Variants in RTTN observed in about 807,000 individuals in gnomAD.
RTTN encodes the protein rotatin.
RTTN carries 182 observed loss-of-function variants against 269.2 expected under a neutral mutation model. That is an observed-to-expected ratio of 0.68 (90% CI 0.60 to 0.76). The LOEUF (loss-of-function observed/expected upper bound fraction) is 0.76. RTTN is among the 30% of genes least tolerant of loss of function. RTTN has a pLI of 0.00. For missense variants in RTTN, 2,545 were observed against 2,608.6 expected, an observed-to-expected ratio of 0.98 and a Z score of 0.53; for synonymous variants, 1,006 against 963.5, an observed-to-expected ratio of 1.04 and a Z score of -0.82.
intron 41 of RTTN, 105 bp from the exon 42 acceptor site, chr18:70,030,214 G>T: frequency 1.4e-6 from 1 of 716,824 alleles, no homozygotes; most frequent in Non-Finnish European, 2.2e-6. Flanking sequence ...TTCTATTTCT[G>T]ACCCACTTCA....
intron 33 of RTTN, chr18:70,075,030 A>T (rs1175277628): frequency 4.0e-5 from 7 of 173,150 alleles, no homozygotes; most frequent in Non-Finnish European, 6.0e-5. Flanking sequence ...ACTGATGGGC[A>T]TAACTTATAA....
intron 26 of RTTN, among the ~76,000 whole-genome samples, chr18:70,116,037 T>C (rs987842259): frequency 1.3e-5 from 2 of 152,012 alleles, no homozygotes; most frequent in Non-Finnish European, 2.9e-5. Flanking sequence ...TAAATTAAGA[T>C]TGAATAAGAC....
rs2057399495 is a variant in RTTN, at chr18:70,043,349, C to T, written c.5541+4622G>A. 2.0e-5 allele frequency among the ~76,000 whole-genome samples: 3 copies of T among 152,060 alleles called. No individual in the cohort carries two copies. The South Asian group carries it at 6.2e-4, about 32-fold the overall frequency. On this transcript the variant is annotated intron_variant, in intron 40 of 48. Transcript: ENST00000640769. The stretch of plus-strand genomic sequence containing the variant: ...GTATAACACTGTCATAAATTTAATA[C>T]CATTCACGCTGCCTATTCTCTAATT...
chr18:70,010,877 T>G (rs934327090), intron 46 of RTTN, among the ~76,000 whole-genome samples: 1 of 151,084 alleles, frequency 6.6e-6, no homozygotes, highest in Admixed American at 6.6e-5. Context: ...AAGAATCAAA[T>G]AGACACAATA....
chr18:70,074,178 G>A (rs530916696), intron 33 of RTTN, among the ~76,000 whole-genome samples, 184 bp from the exon 34 acceptor site: 2 of 150,532 alleles, frequency 1.3e-5, no homozygotes, highest in Admixed American at 6.6e-5. Flanking sequence ...TTTTTTTAAT[G>A]TGCATAAGAA....
chr18:70,057,984 T>A, intron 36 of RTTN, 152 bp from the exon 37 acceptor site: 1 of 565,308 alleles, frequency 1.8e-6, no homozygotes, highest in Non-Finnish European at 3.1e-6. Context: ...AAAAGATATC[T>A]CAAAGAATTT....
At chr18:70,138,039 G>C (rs768216835) in intron 21 of RTTN, among the ~76,000 whole-genome samples, 1 of 152,196 alleles carries the variant, frequency 6.6e-6, no homozygotes, top group Non-Finnish European at 1.5e-5. Context: ...AGCACTTTGG[G>C]AGGCCAAGGC....
intron 46 of RTTN, among the ~76,000 whole-genome samples, chr18:70,011,797 G>A (rs1467052581): frequency 6.6e-6 from 1 of 152,196 alleles, no homozygotes; most frequent in Non-Finnish European, 1.5e-5. Context: ...TCAAGGCAGG[G>A]TCTGTGAGTG....
intron 32 of RTTN, among the ~76,000 whole-genome samples, chr18:70,079,448 T>C (rs939348605): frequency 2.0e-5 from 3 of 152,126 alleles, no homozygotes; most frequent in African/African-American, 7.2e-5. Flanking sequence ...AGGCTCAGGC[T>C]TTCACAGATA....
intron 46 of RTTN, among the ~76,000 whole-genome samples, chr18:70,009,222 G>A (rs991336441): frequency 2.1e-4 from 32 of 149,872 alleles, no homozygotes; most frequent in East Asian, 4.0e-4. Context: ...TGCAACCTCC[G>A]CCTACCAGGT....
At chr18:70,119,620 T>C (rs1028331294) in intron 26 of RTTN, among the ~76,000 whole-genome samples, 3 of 152,150 alleles carry the variant, frequency 2.0e-5, no homozygotes, top group Admixed American at 2.0e-4. Flanking sequence ...CTCCATCTAA[T>C]TCAAAATAAG....
intron 5 of RTTN, among the ~76,000 whole-genome samples, chr18:70,198,926 C>T (rs2061880998): frequency 1.3e-5 from 2 of 152,140 alleles, no homozygotes; most frequent in African/African-American, 2.4e-5. Context: ...GTGGCTCACA[C>T]CTGGAATCTC....
At chr18:70,072,359 T>C (rs968651859) in intron 34 of RTTN, among the ~76,000 whole-genome samples, 3 of 152,168 alleles carry the variant, frequency 2.0e-5, no homozygotes, top group Non-Finnish European at 4.4e-5. Flanking sequence ...TGGTATATAT[T>C]TCTAAAAGTC....
At chr18:70,184,240 A>G (rs1459679464) in intron 10 of RTTN, among the ~76,000 whole-genome samples, 2 of 152,196 alleles carry the variant, frequency 1.3e-5, no homozygotes, top group Admixed American at 1.3e-4. Flanking sequence ...CAACTTCAAA[A>G]CAATGCAGAG....
At chr18:70,096,755 A>C (rs944819875) in intron 28 of RTTN, among the ~76,000 whole-genome samples, 4 of 152,190 alleles carry the variant, frequency 2.6e-5, no homozygotes, top group African/African-American at 9.7e-5. Context: ...GGTGTCTCCC[A>C]GTCAGGAGGC....
intron 3 of RTTN, among the ~76,000 whole-genome samples, chr18:70,202,967 CTTT>C (rs35542740): frequency 9.2e-5 from 13 of 140,688 alleles, no homozygotes; most frequent in East Asian, 6.3e-4. Context: ...AGCATCAAAA[CTTT>C]TTTTTTTTTT....
At chr18:70,204,320 C>T (rs1319760043) in intron 2 of RTTN, 57 bp from the exon 3 acceptor site, 9 of 1,457,032 alleles carry the variant, frequency 6.2e-6, no homozygotes, top group Non-Finnish European at 8.4e-6. Flanking sequence ...CTATAACTTA[C>T]AGCAATCAAA....
At chr18:70,068,390 T>C (rs2058202486) in intron 34 of RTTN, among the ~76,000 whole-genome samples, 1 of 152,200 alleles carries the variant, frequency 6.6e-6, no homozygotes, top group African/African-American at 2.4e-5. Flanking sequence ...TTGTCTGAGT[T>C]GAGACTAGGA....
chr18:70,182,829 AAATTT>A (rs1393597919), intron 10 of RTTN, among the ~76,000 whole-genome samples: 2 of 152,196 alleles, frequency 1.3e-5, no homozygotes, highest in African/African-American at 4.8e-5. Flanking sequence ...AAAAAAAACA[AAATTT>A]AATTCCATAT....
Sources: gnomAD v4.1 joint callset for allele counts (sites outside exome capture counted in the v4.1 genomes callset) on GRCh38, gnomAD v4.1.1 for gene constraint, MANE v1.5 for transcripts, NCBI Gene and HGNC (gene_info 2026-07-23, HGNC 2026-07-21) for gene names.